GRIK2: variants seen among roughly 807,000 people sequenced by gnomAD.
The protein encoded by GRIK2 is glutamate receptor ionotropic, kainate 2.
A neutral mutation model predicts 100.3 loss-of-function variants in GRIK2; 32 were observed. That is an observed-to-expected ratio of 0.32 (90% CI 0.24 to 0.43). The LOEUF is 0.43. GRIK2 is among the 20% of genes least tolerant of loss of function. GRIK2 has a pLI of 1.00. For synonymous variants in GRIK2, 417 were observed against 389.4 expected (o/e 1.07, Z -0.83); for missense variants, 843 against 1,114.9 (o/e 0.76, Z 3.47).
At position 101,999,360 on chromosome 6, in the gene GRIK2, T is replaced by C. The variant is rs577216619; in HGVS notation, c.2086-35981T>C. ...ACATCTTAAAAATTGATAATTTTAC[T>C]ATATAAACAGACTGTATTTCATCAT... On this transcript the variant is annotated intron_variant, in intron 14 of 16. Transcript: ENST00000369134. Among the ~76,000 whole-genome samples, 10 of 152,288 alleles carry C rather than the reference T, an allele frequency of 6.6e-5. No homozygotes were observed. In the South Asian group the frequency reaches 1.9e-3, roughly 28 times the overall value.
intron 16 of GRIK2, 100 bp from the exon 17 acceptor site, chr6:102,068,247 T>C: frequency 1.2e-6 from 1 of 812,256 alleles, no homozygotes; most frequent in Admixed American, 2.8e-5. Flanking sequence ...CCTTCAAGGA[T>C]GTTATGTGAC....
intron 14 of GRIK2, among the ~76,000 whole-genome samples, chr6:101,974,082 T>C (rs1480215826): frequency 6.6e-6 from 1 of 152,014 alleles, no homozygotes. Context: ...TTATTTTTAA[T>C]AATAGAGTCT....
chr6:101,467,028 G>A (rs780768144), intron 2 of GRIK2, among the ~76,000 whole-genome samples: 2 of 152,098 alleles, frequency 1.3e-5, no homozygotes, highest in Non-Finnish European at 2.9e-5. Context: ...GATGACACAA[G>A]AAAATGAAAT....
chr6:101,622,830 T>G (rs1231776644), intron 3 of GRIK2, among the ~76,000 whole-genome samples: 2 of 151,964 alleles, frequency 1.3e-5, no homozygotes, highest in Admixed American at 1.3e-4. Flanking sequence ...AGGAAGGCAA[T>G]AGAGAAAACT....
chr6:101,689,782 G>T (rs1771959405), intron 7 of GRIK2, among the ~76,000 whole-genome samples: 1 of 152,016 alleles, frequency 6.6e-6, no homozygotes, highest in African/African-American at 2.4e-5. Flanking sequence ...ATGCCATCCA[G>T]TTAGTGCTCT....
intron 12 of GRIK2, among the ~76,000 whole-genome samples, chr6:101,903,365 C>T (rs1194279937): frequency 6.6e-6 from 1 of 151,744 alleles, no homozygotes; most frequent in Non-Finnish European, 1.5e-5. Context: ...GCAATTCTCT[C>T]AAAATTTTTA....
At chr6:101,966,473 T>G (rs1792681893) in intron 14 of GRIK2, among the ~76,000 whole-genome samples, 1 of 152,174 alleles carries the variant, frequency 6.6e-6, no homozygotes, top group Non-Finnish European at 1.5e-5. Context: ...TGTAAGAAAA[T>G]AAGCATATTA....
At chr6:101,545,327 G>A (rs1231453171) in intron 2 of GRIK2, among the ~76,000 whole-genome samples, 1 of 152,148 alleles carries the variant, frequency 6.6e-6, no homozygotes, top group Non-Finnish European at 1.5e-5. Context: ...AACAAAGCCA[G>A]TGCTTCTTAA....
intron 12 of GRIK2, among the ~76,000 whole-genome samples, chr6:101,893,911 T>C (rs537563388): frequency 6.6e-6 from 1 of 151,782 alleles, no homozygotes; most frequent in Non-Finnish European, 1.5e-5. Flanking sequence ...ATAATAATAC[T>C]TAAATCATCT....
intron 11 of GRIK2, among the ~76,000 whole-genome samples, chr6:101,867,664 G>A (rs565997819): frequency 6.6e-6 from 1 of 151,330 alleles, no homozygotes; most frequent in East Asian, 1.9e-4. Flanking sequence ...TATTAAAAAA[G>A]GTATGTTAAG....
At chr6:101,646,729 A>G (rs1781542510) in intron 4 of GRIK2, among the ~76,000 whole-genome samples, 2 of 151,956 alleles carry the variant, frequency 1.3e-5, no homozygotes, top group South Asian at 4.1e-4. Flanking sequence ...AGTGGAATAC[A>G]TTAAATCTCC....
intron 10 of GRIK2, among the ~76,000 whole-genome samples, chr6:101,858,574 A>T (rs1784564526): frequency 6.6e-6 from 1 of 151,442 alleles, no homozygotes; most frequent in Admixed American, 6.6e-5. Context: ...ATTTTTTAGT[A>T]GAGATGGGGT....
At chr6:101,768,523 G>T (rs1778179638) in intron 7 of GRIK2, among the ~76,000 whole-genome samples, 1 of 152,122 alleles carries the variant, frequency 6.6e-6, no homozygotes, top group African/African-American at 2.4e-5. Context: ...TCTAGATGAG[G>T]AAAGTAAATT....
At chr6:101,509,285 A>G (rs1224000751) in intron 2 of GRIK2, among the ~76,000 whole-genome samples, 9 of 152,100 alleles carry the variant, frequency 5.9e-5, no homozygotes, top group Admixed American at 5.9e-4. Context: ...TAAATCCAGG[A>G]TAGTGCTAAG....
At chr6:101,709,514 T>A (rs990959078) in intron 7 of GRIK2, among the ~76,000 whole-genome samples, 3 of 151,840 alleles carry the variant, frequency 2.0e-5, no homozygotes, top group African/African-American at 7.2e-5. Context: ...TCTCATTAGA[T>A]AAAAGGCAGA....
intron 7 of GRIK2, among the ~76,000 whole-genome samples, chr6:101,742,982 G>A (rs1170169507): frequency 6.6e-6 from 1 of 152,148 alleles, no homozygotes; most frequent in Admixed American, 6.6e-5. Flanking sequence ...TTTATTTTTG[G>A]TTTAGAGAGA....
intron 4 of GRIK2, among the ~76,000 whole-genome samples, chr6:101,635,559 T>A (rs970725675): frequency 2.0e-5 from 3 of 151,922 alleles, no homozygotes; most frequent in Non-Finnish European, 2.9e-5. Flanking sequence ...ATCATCAGAG[T>A]GAACAGGCAA....
At chr6:101,897,080 A>C (rs1787516960) in intron 12 of GRIK2, among the ~76,000 whole-genome samples, 1 of 151,438 alleles carries the variant, frequency 6.6e-6, no homozygotes, top group African/African-American at 2.4e-5. Flanking sequence ...ACACGTATAA[A>C]AAATTTTTTT....
intron 11 of GRIK2, among the ~76,000 whole-genome samples, chr6:101,862,205 C>G (rs998391228): frequency 6.6e-6 from 1 of 151,966 alleles, no homozygotes; most frequent in African/African-American, 2.4e-5. Flanking sequence ...TTCTCCTAGG[C>G]AGGTAAATTC....
Sources: allele counts gnomAD v4.1 joint callset (sites outside exome capture counted in the v4.1 genomes callset), GRCh38; gene constraint gnomAD v4.1.1; transcripts MANE v1.5; gene names NCBI Gene and HGNC (gene_info 2026-07-23, HGNC 2026-07-21).